Variants in CCDC3 observed in about 807,000 individuals in gnomAD.
The protein encoded by CCDC3 is coiled-coil domain containing 3, also known as coiled-coil domain-containing protein 3.
A neutral mutation model predicts 21.4 loss-of-function variants in CCDC3; 24 were observed. The ratio of observed to expected loss-of-function variants is 1.12; its 90% confidence interval spans 0.81 to 1.58. The LOEUF is 1.58. CCDC3 is among the 40% of genes most tolerant of loss of function. The pLI, the probability that CCDC3 is intolerant of heterozygous loss-of-function variation, is 0.00. For synonymous variants in CCDC3, 186 were observed against 166.0 expected, an observed-to-expected ratio of 1.12 and a Z score of -0.93; for missense variants, 425 against 360.9, an observed-to-expected ratio of 1.18 and a Z score of -1.44.
intron 2 of CCDC3, among the ~76,000 whole-genome samples, chr10:12,900,145 A>AGGTCC (rs1834070332): frequency 6.6e-6 from 1 of 152,216 alleles, no homozygotes; most frequent in African/African-American, 2.4e-5. Flanking sequence ...AGGCATGTGG[A>AGGTCC]ATTGTGAGTC....
chr10:13,038,726 C>T lies in CCDC3; in HGVS notation c.-2+10948G>A, dbSNP rs181174134. ...TGCAGATTAGAAGCAATAATAAGGACGGTGTTTGTGTAGCACCTTGTTCCA... is the reference window on the plus strand; with the variant it reads ...TGCAGATTAGAAGCAATAATAAGGATGGTGTTTGTGTAGCACCTTGTTCCA... On this transcript the variant is annotated intron_variant, in intron 5 of 6. Transcript: ENST00000378839. Among the ~76,000 whole-genome samples, 14 of 152,302 alleles carry T rather than the reference C, an allele frequency of 9.2e-5. No homozygotes were observed. In the South Asian group the frequency reaches 1.2e-3, roughly 14 times the overall value.
intron 1 of CCDC3, 95 bp downstream of exon 1, chr10:13,001,102 C>A: frequency 6.9e-7 from 1 of 1,442,034 alleles, no homozygotes; most frequent in Non-Finnish European, 9.2e-7. Flanking sequence ...CACCGACAGG[C>A]TGCCCGGGGA....
intron 2 of CCDC3, among the ~76,000 whole-genome samples, chr10:12,943,468 A>G (rs1055338415): frequency 1.3e-5 from 2 of 152,240 alleles, no homozygotes; most frequent in South Asian, 4.1e-4. Flanking sequence ...AGCTGCAAAC[A>G]CAAGCTTGCA....
rs77117469 is a variant in CCDC3 at position 13,084,583 on chromosome 10, G to A, written c.-502-10483C>T. Among the ~76,000 whole-genome samples, 909 of 152,160 alleles carry A rather than the reference G, an allele frequency of 6.0e-3. 40 individuals carry two copies. The South Asian group carries it at 0.099, about 17-fold the overall frequency. On this transcript the variant is annotated intron_variant, in intron 3 of 6. Transcript: ENST00000378839. ...ATTACAGGCATGAGCCACCGCGCCC[G>A]GCCCCACTTTACTTTCTCAATAAAC...
chr10:12,926,660 T>C (rs965081198), intron 2 of CCDC3, among the ~76,000 whole-genome samples: 1 of 152,160 alleles, frequency 6.6e-6, no homozygotes, highest in Non-Finnish European at 1.5e-5. Context: ...GTACAGAGAT[T>C]AAAGCAAGAC....
chr10:13,019,163 G>A (rs1383795765), intron 5 of CCDC3, among the ~76,000 whole-genome samples: 1 of 152,154 alleles, frequency 6.6e-6, no homozygotes, highest in East Asian at 1.9e-4. Context: ...GAACCCGGGA[G>A]GCAGAGCTTA....
At position 12,991,622 on chromosome 10, in the gene CCDC3, C is replaced by T. The variant is rs542405164; in HGVS notation, c.549+6716G>A. Among the ~76,000 whole-genome samples the T allele has an allele frequency of 2.0e-5, 3 of 152,296 alleles. 1 individual carries two copies. The South Asian group carries it at 6.2e-4, about 32-fold the overall frequency. On this transcript the variant is annotated intron_variant, in intron 2 of 2. Coordinates refer to ENST00000378825, the MANE Select transcript of CCDC3 (RefSeq NM_031455.4). Reference sequence around the variant, plus strand: ...TTGCTGGGATTACAGGCTTGAACCACCAATCCTGGCTTTGAACACACGTTC... The same window carrying T: ...TTGCTGGGATTACAGGCTTGAACCATCAATCCTGGCTTTGAACACACGTTC...
intron 2 of CCDC3, among the ~76,000 whole-genome samples, chr10:12,973,246 CA>C (rs1025759675): frequency 9.2e-5 from 14 of 152,148 alleles, no homozygotes; most frequent in African/African-American, 3.4e-4. Flanking sequence ...CTAAAGGATG[CA>C]AGAACACAAT....
At chr10:12,907,666 T>G (rs953745109) in intron 2 of CCDC3, among the ~76,000 whole-genome samples, 4 of 151,938 alleles carry the variant, frequency 2.6e-5, no homozygotes, top group African/African-American at 4.8e-5. Flanking sequence ...AAAAGAAGAT[T>G]AGTTTTGACG....
chr10:12,936,066 C>T (rs555008695), intron 2 of CCDC3, among the ~76,000 whole-genome samples: 46 of 151,898 alleles, frequency 3.0e-4, no homozygotes, highest in Non-Finnish European at 6.3e-4. Flanking sequence ...CTCAGATGCC[C>T]ATTTTTGTAT....
chr10:12,905,748 C>T (rs1834161200), intron 2 of CCDC3, among the ~76,000 whole-genome samples: 1 of 152,236 alleles, frequency 6.6e-6, no homozygotes, highest in South Asian at 2.1e-4. Flanking sequence ...AAAATGCATC[C>T]CTTGACATTG....
At chr10:12,904,713 G>A (rs1463658529) in intron 2 of CCDC3, among the ~76,000 whole-genome samples, 1 of 152,070 alleles carries the variant, frequency 6.6e-6, no homozygotes, top group Non-Finnish European at 1.5e-5. Flanking sequence ...GTTTCTCCGG[G>A]AAGCTCAGGT....
At chr10:13,059,938 T>A (rs1659845) in intron 4 of CCDC3, among the ~76,000 whole-genome samples, 1 of 151,766 alleles carries the variant, frequency 6.6e-6, no homozygotes, top group Non-Finnish European at 1.5e-5. Context: ...AATACGAAAC[T>A]TAGCCGGGCG....
chr10:13,020,460 C>T (rs1303808887), intron 5 of CCDC3, among the ~76,000 whole-genome samples: 2 of 152,192 alleles, frequency 1.3e-5, no homozygotes, highest in African/African-American at 2.4e-5. Context: ...TAATGTTAAA[C>T]ATCGTTATAA....
intron 5 of CCDC3, among the ~76,000 whole-genome samples, chr10:13,011,605 T>G (rs1028730458): frequency 2.6e-5 from 4 of 152,188 alleles, no homozygotes; most frequent in African/African-American, 9.7e-5. Flanking sequence ...TTAAAATGCC[T>G]ATATAAAATG....
At chr10:13,049,146 T>C (rs1291057522) in intron 5 of CCDC3, among the ~76,000 whole-genome samples, 3 of 152,178 alleles carry the variant, frequency 2.0e-5, no homozygotes, top group African/African-American at 7.2e-5. Context: ...CCCTTCCCTT[T>C]TCATCAAGAA....
intron 2 of CCDC3, among the ~76,000 whole-genome samples, chr10:12,953,099 A>T (rs58256238): frequency 0.031 from 4,637 of 150,246 alleles, 186 homozygotes; most frequent in African/African-American, 0.09. Flanking sequence ...GGAAAAAAAA[A>T]GTTTAATGGA....
At chr10:12,953,489 C>T (rs550828934) in intron 2 of CCDC3, among the ~76,000 whole-genome samples, 4 of 152,250 alleles carry the variant, frequency 2.6e-5, no homozygotes, top group South Asian at 2.1e-4. Flanking sequence ...AATACAGGTA[C>T]GATTAGAAGC....
chr10:13,064,359 C>G (rs1836798366), intron 4 of CCDC3, among the ~76,000 whole-genome samples: 2 of 152,150 alleles, frequency 1.3e-5, no homozygotes, highest in South Asian at 4.1e-4. Context: ...AGAAATTGGT[C>G]TTCACGAAAT....
Sources: allele counts gnomAD v4.1 joint callset (sites outside exome capture counted in the v4.1 genomes callset), GRCh38; gene constraint gnomAD v4.1.1; transcripts MANE v1.5; gene names NCBI Gene and HGNC (gene_info 2026-07-23, HGNC 2026-07-21).